The following PRTFDC1 variants were observed in gnomAD, a reference collection of about 807,000 sequenced individuals.
PRTFDC1 encodes the protein phosphoribosyltransferase domain-containing protein 1.
Under a neutral mutation model 34.6 loss-of-function variants are expected in PRTFDC1, and 38 were observed. The observed-to-expected ratio is 1.10, with a 90% CI of 0.85 to 1.44. The LOEUF (loss-of-function observed/expected upper bound fraction) is 1.44, where lower values mean the gene tolerates loss of function less well. Among genes scored for constraint, PRTFDC1 ranks in the 40% most tolerant of loss-of-function variants. PRTFDC1 has a pLI of 0.00. For synonymous variants in PRTFDC1, 93 were observed against 98.1 expected, an observed-to-expected ratio of 0.95 and a Z score of 0.31; for missense variants, 270 against 283.0, an observed-to-expected ratio of 0.95 and a Z score of 0.33.
chr10:24,866,360 C>CAAA (rs372329425), intron 4 of PRTFDC1, among the ~76,000 whole-genome samples: 2 of 51,748 alleles, frequency 3.9e-5, no homozygotes, highest in African/African-American at 6.8e-5. Flanking sequence ...GATTCTGCCT[C>CAAA]AAAAAAAAAA....
chr10:24,872,725 AAT>A (rs10609236), intron 3 of PRTFDC1, among the ~76,000 whole-genome samples: 115,187 of 139,034 alleles, frequency 0.83, 47,644 homozygotes, highest in African/African-American at 0.87. Flanking sequence ...TAATACACAA[AAT>A]ATATATATAT....
intron 3 of PRTFDC1, among the ~76,000 whole-genome samples, chr10:24,900,001 A>G (rs1848424562): frequency 6.6e-6 from 1 of 152,190 alleles, no homozygotes; most frequent in Admixed American, 6.5e-5. Flanking sequence ...CACACATTTT[A>G]TTTATGAAGA....
chr10:24,885,426 G>A (rs564668866), intron 3 of PRTFDC1, among the ~76,000 whole-genome samples: 1 of 152,296 alleles, frequency 6.6e-6, no homozygotes, highest in African/African-American at 2.4e-5. Flanking sequence ...TTTATTTTGA[G>A]GCAGAGTCTT....
At chr10:24,951,497 T>G (rs1376499679) in intron 1 of PRTFDC1, 1 of 933,616 alleles carries the variant, frequency 1.1e-6, no homozygotes, top group Non-Finnish European at 1.3e-6. Context: ...GCCCCACATT[T>G]CAACCTGACC....
chr10:24,867,569 C>T (rs187828435), intron 4 of PRTFDC1: 10 of 152,104 alleles, frequency 6.6e-5, no homozygotes, highest in Admixed American at 2.0e-4. Flanking sequence ...CCTACTACTT[C>T]CCTGTTTTTG....
intron 1 of PRTFDC1, among the ~76,000 whole-genome samples, chr10:24,944,560 A>G (rs973467547): frequency 3.9e-5 from 6 of 152,034 alleles, no homozygotes; most frequent in African/African-American, 1.4e-4. Context: ...AGGCGGGAAG[A>G]CCTCTTGAGG....
chr10:24,904,186 G>A (rs1848495493), intron 3 of PRTFDC1, among the ~76,000 whole-genome samples: 1 of 151,938 alleles, frequency 6.6e-6, no homozygotes, highest in East Asian at 1.9e-4. Flanking sequence ...TGGGAACAAA[G>A]GGAGTTGTTT....
intron 3 of PRTFDC1, among the ~76,000 whole-genome samples, chr10:24,893,876 C>G (rs1848304394): frequency 6.6e-6 from 1 of 152,176 alleles, no homozygotes. Context: ...CAAATCCATA[C>G]AAATCAACTT....
chr10:24,910,366 G>T (rs879581918), intron 3 of PRTFDC1, among the ~76,000 whole-genome samples: 1 of 152,170 alleles, frequency 6.6e-6, no homozygotes, highest in Non-Finnish European at 1.5e-5. Flanking sequence ...CCAACCACAA[G>T]TAAGTCATCT....
intron 3 of PRTFDC1, among the ~76,000 whole-genome samples, chr10:24,900,251 A>T (rs986376344): frequency 2.0e-5 from 3 of 152,210 alleles, no homozygotes; most frequent in Non-Finnish European, 4.4e-5. Context: ...GAGAAAACCT[A>T]AGCCAATACT....
chr10:24,939,301 C>CAA (rs34582221), intron 2 of PRTFDC1, among the ~76,000 whole-genome samples: 9 of 89,780 alleles, frequency 1.0e-4, no homozygotes, highest in African/African-American at 2.5e-4. Flanking sequence ...AACTCTGACT[C>CAA]AAAAAAAAAA....
intron 5 of PRTFDC1, among the ~76,000 whole-genome samples, 182 bp from the exon 6 acceptor site, chr10:24,857,177 G>C (rs1414002248): frequency 1.3e-5 from 2 of 152,150 alleles, no homozygotes; most frequent in African/African-American, 4.8e-5. Context: ...TCTGGAAGCT[G>C]AGTTTTGGGG....
chr10:24,891,534 C>T (rs1848261829), intron 3 of PRTFDC1, among the ~76,000 whole-genome samples: 1 of 151,906 alleles, frequency 6.6e-6, no homozygotes, highest in Admixed American at 6.6e-5. Context: ...GGCTCCTGTC[C>T]ATAATCCCAA....
At chr10:24,879,729 G>T (rs528764727) in intron 3 of PRTFDC1, among the ~76,000 whole-genome samples, 1 of 152,162 alleles carries the variant, frequency 6.6e-6, no homozygotes, top group Admixed American at 6.5e-5. Context: ...ACTATTAAGT[G>T]GGTGCAAAAG....
intron 1 of PRTFDC1, among the ~76,000 whole-genome samples, chr10:24,946,452 A>G (rs1035494589): frequency 1.3e-5 from 2 of 152,208 alleles, no homozygotes; most frequent in Non-Finnish European, 2.9e-5. Context: ...GAAAAAAATG[A>G]TAAGAAAATC....
intron 3 of PRTFDC1, chr10:24,908,348 T>G (rs749324012): frequency 2.1e-6 from 2 of 937,032 alleles, no homozygotes; most frequent in Non-Finnish European, 3.0e-6. Flanking sequence ...TTTACATATT[T>G]TGATATTTTT....
intron 3 of PRTFDC1, among the ~76,000 whole-genome samples, chr10:24,878,079 C>G (rs1439421995): frequency 1.3e-5 from 2 of 151,986 alleles, no homozygotes; most frequent in Non-Finnish European, 2.9e-5. Context: ...TTAAGACCAG[C>G]CTGGCCAACC....
intron 3 of PRTFDC1, among the ~76,000 whole-genome samples, chr10:24,890,947 G>A (rs1464502948): frequency 6.6e-6 from 1 of 152,200 alleles, no homozygotes; most frequent in African/African-American, 2.4e-5. Flanking sequence ...ATTGGCGGAG[G>A]AGGTGGCAGA....
At chr10:24,897,671 G>A (rs1848389818) in intron 3 of PRTFDC1, among the ~76,000 whole-genome samples, 1 of 152,198 alleles carries the variant, frequency 6.6e-6, no homozygotes, top group African/African-American at 2.4e-5. Context: ...AAAACACAAT[G>A]AGGTGGCCCT....
Sources: gnomAD v4.1 joint callset for allele counts (sites outside exome capture counted in the v4.1 genomes callset) on GRCh38, gnomAD v4.1.1 for gene constraint, MANE v1.5 for transcripts, NCBI Gene and HGNC (gene_info 2026-07-23, HGNC 2026-07-21) for gene names.